PTPRG: variants seen among roughly 807,000 people sequenced by gnomAD.
PTPRG encodes receptor-type tyrosine-protein phosphatase gamma.
Under a neutral mutation model 165.3 loss-of-function variants are expected in PTPRG, and 102 were observed. That is an observed-to-expected ratio of 0.62 (90% CI 0.53 to 0.73). PTPRG has a LOEUF of 0.73. PTPRG is among the 30% of genes least tolerant of loss of function. The pLI is 0.00. For synonymous variants in PTPRG, 675 were observed against 669.5 expected (o/e 1.01, Z -0.13); for missense variants, 1,866 against 1,861.4 (o/e 1.00, Z -0.05).
intron 1 of PTPRG, among the ~76,000 whole-genome samples, chr3:61,612,840 T>G (rs1324276912): frequency 2.1e-5 from 3 of 143,110 alleles, no homozygotes; most frequent in Non-Finnish European, 3.0e-5. Context: ...TTCTGAATTC[T>G]CTGGTTCCTG....
chr3:61,776,450 C>A (rs1188701791), intron 2 of PTPRG, among the ~76,000 whole-genome samples: 1 of 152,138 alleles, frequency 6.6e-6, no homozygotes, highest in Admixed American at 6.6e-5. Context: ...CCAGGTGTCA[C>A]TTTATGCTTA....
intron 1 of PTPRG, among the ~76,000 whole-genome samples, chr3:61,610,786 T>TCCCTCC (rs1559523212): frequency 1.7e-4 from 7 of 40,438 alleles, no homozygotes; most frequent in African/African-American, 4.4e-4. Flanking sequence ...TCCCTCCCTC[T>TCCCTCC]CTCTCTCCAT....
chr3:62,170,202 G>A (rs191534810), intron 8 of PTPRG, among the ~76,000 whole-genome samples: 2 of 152,142 alleles, frequency 1.3e-5, no homozygotes, highest in East Asian at 1.9e-4. Context: ...TCTTAGGTTG[G>A]GCTGCCGTGG....
intron 2 of PTPRG, among the ~76,000 whole-genome samples, chr3:61,971,944 T>G (rs2040394776): frequency 6.6e-6 from 1 of 152,264 alleles, no homozygotes; most frequent in Non-Finnish European, 1.5e-5. Flanking sequence ...TTGACCCATG[T>G]GTATGCAGCA....
intron 2 of PTPRG, among the ~76,000 whole-genome samples, chr3:61,899,043 G>C (rs949937436): frequency 4.6e-5 from 7 of 152,170 alleles, no homozygotes; most frequent in African/African-American, 1.4e-4. Context: ...CAAGTCACTG[G>C]GACTATAGGC....
At chr3:61,628,970 G>A (rs1701691353) in intron 1 of PTPRG, among the ~76,000 whole-genome samples, 1 of 152,098 alleles carries the variant, frequency 6.6e-6, no homozygotes, top group Non-Finnish European at 1.5e-5. Context: ...TCTCCAAGAC[G>A]GTAGGTAATG....
intron 1 of PTPRG, among the ~76,000 whole-genome samples, chr3:61,731,496 G>C (rs942304654): frequency 5.9e-5 from 9 of 151,560 alleles, no homozygotes; most frequent in Admixed American, 2.0e-4. Flanking sequence ...CTACAGGCAC[G>C]CACCACCACG....
intron 2 of PTPRG, among the ~76,000 whole-genome samples, chr3:61,907,993 T>G (rs1208734612): frequency 6.6e-6 from 1 of 151,746 alleles, no homozygotes; most frequent in Non-Finnish European, 1.5e-5. Flanking sequence ...TAGTGGTGTG[T>G]GCCTGTAGTC....
chr3:62,203,493 T>G lies in PTPRG; in HGVS notation c.1698T>G (p.Gly566=), dbSNP rs1576129827. Residue 566 remains glycine, a synonymous_variant, in exon 12 of 30, where the codon GGT becomes GGG. Coordinates refer to ENST00000474889, the MANE Select transcript of PTPRG (RefSeq NM_002841.4). This position sits in a 1 kb window ranked among gnomAD's most constrained non-coding sequence, Gnocchi z 6.4. ...CCTTGGCTTCTCCAGGGCCCGATGG[T>G]GATTCGTCACCAACCAAGGACGGCG... The part of the protein sequence containing the change: ...TEALASPGPD[G]DSSPTKDGEG... The G allele has an allele frequency of 6.4e-7, 1 of 1,567,268 alleles. No homozygotes were observed. Among genetic ancestry groups the G allele is most frequent in the Middle Eastern group, 1.7e-4 (1 of 6,016 alleles).
At chr3:62,180,025 A>C (rs1705586840) in intron 8 of PTPRG, among the ~76,000 whole-genome samples, 1 of 152,244 alleles carries the variant, frequency 6.6e-6, no homozygotes, top group African/African-American at 2.4e-5. Context: ...ACTTTTAAGC[A>C]TAGTAGGTAC....
Position 62,195,353 on chromosome 3 carries a change from T to G in PTPRG, c.1327+183T>G, listed in dbSNP as rs1699934149. 6.6e-6 allele frequency among the ~76,000 whole-genome samples: 1 copy of G among 152,222 alleles called. No homozygotes were observed. Among genetic ancestry groups the G allele is most frequent in the Non-Finnish European group, 1.5e-5 (1 of 68,040 alleles). ...TAGGTCTTTTAGGTTGGAGGTTTTATCGGCAGAAGAGGGGAGAAAAAACAA... is the reference window on the plus strand; with the variant it reads ...TAGGTCTTTTAGGTTGGAGGTTTTAGCGGCAGAAGAGGGGAGAAAAAACAA... On this transcript the variant is annotated intron_variant, in intron 10 of 29. Transcript: ENST00000474889. The surrounding 1 kb of genome is among the most constrained non-coding windows in gnomAD (Gnocchi z 4.4).
At chr3:62,025,431 G>A (rs1021772259) in intron 4 of PTPRG, among the ~76,000 whole-genome samples, 5 of 151,988 alleles carry the variant, frequency 3.3e-5, no homozygotes, top group Admixed American at 3.3e-4. Flanking sequence ...AAATATAATG[G>A]GAAAACCATT....
At chr3:61,909,189 C>G (rs1481937770) in intron 2 of PTPRG, among the ~76,000 whole-genome samples, 1 of 152,136 alleles carries the variant, frequency 6.6e-6, no homozygotes, top group Non-Finnish European at 1.5e-5. Flanking sequence ...CAAAGATCAG[C>G]TACTGAGAAT....
chr3:61,668,696 T>C (rs1054857482), intron 1 of PTPRG, among the ~76,000 whole-genome samples: 1 of 152,234 alleles, frequency 6.6e-6, no homozygotes, highest in Admixed American at 6.5e-5. Context: ...AAGGTTACTT[T>C]GTGAACATTA....
intron 2 of PTPRG, among the ~76,000 whole-genome samples, chr3:61,986,526 C>G (rs547894291): frequency 6.6e-6 from 1 of 152,164 alleles, no homozygotes; most frequent in Non-Finnish European, 1.5e-5. Flanking sequence ...ATGAGAAACA[C>G]TATTACATTC....
intron 2 of PTPRG, among the ~76,000 whole-genome samples, chr3:61,857,328 T>C (rs530572202): frequency 4.6e-5 from 7 of 152,316 alleles, no homozygotes; most frequent in Admixed American, 3.9e-4. Context: ...TATCCCATCA[T>C]AGGAGACAGA....
chr3:62,146,601 T>C (rs569378783), intron 6 of PTPRG, among the ~76,000 whole-genome samples: 21 of 151,456 alleles, frequency 1.4e-4, no homozygotes, highest in Admixed American at 2.0e-4. Flanking sequence ...GTTGGCCCTA[T>C]TCATGCTCAT....
At chr3:61,861,003 C>T (rs1194572095) in intron 2 of PTPRG, among the ~76,000 whole-genome samples, 1 of 152,006 alleles carries the variant, frequency 6.6e-6, no homozygotes, top group African/African-American at 2.4e-5. Context: ...ACTAATTTAT[C>T]CTGCATTTCT....
At chr3:62,208,498 G>T (rs1283738694) in intron 12 of PTPRG, among the ~76,000 whole-genome samples, 2 of 152,072 alleles carry the variant, frequency 1.3e-5, no homozygotes, top group Non-Finnish European at 2.9e-5. Flanking sequence ...ATTGCTGAAG[G>T]TTTACTGACT....
Sources: gnomAD v4.1 joint callset for allele counts (sites outside exome capture counted in the v4.1 genomes callset) on GRCh38, gnomAD v4.1.1 for gene constraint, Gnocchi (gnomAD v3.1) non-coding constraint, MANE v1.5 for transcripts, NCBI Gene and HGNC (gene_info 2026-07-23, HGNC 2026-07-21) for gene names.